RNF126: variants seen among roughly 807,000 people sequenced by gnomAD.
RNF126 encodes the protein ring finger protein 126, also known as E3 ubiquitin-protein ligase RNF126.
RNF126 carries 20 observed loss-of-function variants against 41.9 expected under a neutral mutation model. The ratio of observed to expected loss-of-function variants is 0.48; its 90% confidence interval spans 0.34 to 0.69. The LOEUF (loss-of-function observed/expected upper bound fraction) is 0.69, where lower values mean the gene tolerates loss of function less well. Among genes scored for constraint, RNF126 ranks in the 30% least tolerant of loss-of-function variants. The pLI is 0.01. For synonymous variants in RNF126, 239 were observed against 202.9 expected (o/e 1.18, Z -1.51); for missense variants, 433 against 460.6 (o/e 0.94, Z 0.55).
intron 1 of RNF126, among the ~76,000 whole-genome samples, chr19:653,928 G>C (rs1034456657): frequency 9.2e-5 from 14 of 152,218 alleles, no homozygotes; most frequent in African/African-American, 3.1e-4. Context: ...CCGTGCATGG[G>C]GGAGTGCTGT....
rs1385579694 is a variant in RNF126, at chr19:659,142, G to A, written c.75+3905C>T. On this transcript the variant is annotated intron_variant, in intron 1 of 8. Transcript: ENST00000292363. The surrounding 1 kb of genome is among the most constrained non-coding windows in gnomAD (Gnocchi z 4.9). Reference sequence around the variant, plus strand: ...GACGCTTGAGAGGCAGGGGCAGGCTGTCACTGTCACGGTATCTGGCACAAC... The same window carrying A: ...GACGCTTGAGAGGCAGGGGCAGGCTATCACTGTCACGGTATCTGGCACAAC... Among the ~76,000 whole-genome samples, 7 of 152,164 alleles carry A rather than the reference G, an allele frequency of 4.6e-5. No individual in the cohort carries two copies. The highest frequency in any genetic ancestry group is 8.8e-5 in the Non-Finnish European group (6 of 68,028).
chr19:660,057 G>A (rs917496262), intron 1 of RNF126, among the ~76,000 whole-genome samples: 4 of 152,230 alleles, frequency 2.6e-5, no homozygotes, highest in Non-Finnish European at 4.4e-5. Flanking sequence ...GAGCCACCGC[G>A]CTCGGCCTCA....
chr19:658,313 C>T (rs368332176), intron 1 of RNF126, among the ~76,000 whole-genome samples: 40 of 152,124 alleles, frequency 2.6e-4, no homozygotes, highest in Admixed American at 1.6e-3. Flanking sequence ...CAGGGCCAGG[C>T]GCATGGAGGG....
chr19:650,330 C>T (rs202052869), intron 4 of RNF126, 34 bp from the exon 5 acceptor site: 41 of 1,557,364 alleles, frequency 2.6e-5, no homozygotes, highest in Admixed American at 2.2e-4. Context: ...GGGGTGAGGC[C>T]GCCCCACGCA....
rs2144763517 is a variant in RNF126 at position 652,819 on chromosome 19, G to A, written c.134+7C>T. ...CTTCCAGCCTCTTCAACAGGGGGCTGCATTACCTGGTCTCTTCCGGAAGCT... is the reference window on the plus strand; with the variant it reads ...CTTCCAGCCTCTTCAACAGGGGGCTACATTACCTGGTCTCTTCCGGAAGCT... On this transcript the variant is annotated splice_region_variant and intron_variant, in intron 2 of 8. Coordinates refer to ENST00000292363, the MANE Select transcript of RNF126 (RefSeq NM_194460.3). 6.2e-7 allele frequency: 1 copy of A among 1,612,276 alleles called. No individual in the cohort carries two copies. The highest frequency in any genetic ancestry group is 8.5e-7 in the Non-Finnish European group (1 of 1,179,162).
chr19:657,341 T>A (rs1168561951), intron 1 of RNF126, among the ~76,000 whole-genome samples: 2 of 152,222 alleles, frequency 1.3e-5, no homozygotes, highest in African/African-American at 4.8e-5. Flanking sequence ...GCTCCCGGGT[T>A]CCCGTCTCAG....
intron 5 of RNF126, 45 bp from the exon 6 acceptor site, chr19:649,793 G>C: frequency 1.4e-6 from 2 of 1,466,000 alleles, no homozygotes; most frequent in Non-Finnish European, 1.9e-6. Flanking sequence ...GGCAGCTGGG[G>C]CAGGTGCGTC....
chr19:661,822 C>G (rs546069521), intron 1 of RNF126, among the ~76,000 whole-genome samples: 1 of 152,342 alleles, frequency 6.6e-6, no homozygotes, highest in African/African-American at 2.4e-5. Flanking sequence ...GCCTCTTCCC[C>G]TGGGCACAGG....
rs1357295319 is a variant in RNF126 at position 659,274 on chromosome 19, G to A, written c.75+3773C>T. 6.6e-6 allele frequency among the ~76,000 whole-genome samples: 1 copy of A among 152,162 alleles called. No homozygotes were observed. The highest frequency in any genetic ancestry group is 2.4e-5 in the African/African-American group (1 of 41,446). On this transcript the variant is annotated intron_variant, in intron 1 of 8. Transcript: ENST00000292363. The surrounding 1 kb of genome is among the most constrained non-coding windows in gnomAD (Gnocchi z 4.9). ...AGGAGAAGACAGGGTGGGCCGGGGG[G>A]CAGCTGGGGAGACTTCCCGCCTGGC...
intron 1 of RNF126, among the ~76,000 whole-genome samples, chr19:655,897 T>C (rs1568193346): frequency 6.6e-6 from 1 of 151,458 alleles, no homozygotes; most frequent in Non-Finnish European, 1.5e-5. Context: ...GGAGGGGGGA[T>C]TGCATCTTGA....
Position 648,336 on chromosome 19 carries a change from G to A in RNF126, c.786+36C>T, listed in dbSNP as rs1250094152. 1.2e-5 allele frequency: 18 copies of A among 1,520,406 alleles called. No homozygotes were observed. In the East Asian group the frequency reaches 1.5e-4, roughly 13 times the overall value. 94.2% of individuals were successfully genotyped at this position (1,520,406 alleles called of 1,614,324 possible). On this transcript the variant is annotated intron_variant, in intron 8 of 8. Coordinates refer to ENST00000292363, the MANE Select transcript of RNF126 (RefSeq NM_194460.3). ...GGCAGGTTAGAGGCGGGAGGGCCGC[G>A]GTCGGGGTGGGGGGGCGGGTGGGCG...
At chr19:652,738 G>T (rs1034931531) in intron 2 of RNF126, 88 bp downstream of exon 2, 2 of 1,245,502 alleles carry the variant, frequency 1.6e-6, no homozygotes, top group Non-Finnish European at 2.3e-6. Flanking sequence ...CCCACACTCG[G>T]CGGGGCGGAC....
intron 1 of RNF126, among the ~76,000 whole-genome samples, chr19:653,589 C>T (rs1017519096): frequency 2.6e-5 from 4 of 152,238 alleles, no homozygotes; most frequent in Admixed American, 2.0e-4. Flanking sequence ...GAGACACTGG[C>T]TCACAGGGCG....
At chr19:661,850 C>T (rs879612617) in intron 1 of RNF126, among the ~76,000 whole-genome samples, 1 of 152,178 alleles carries the variant, frequency 6.6e-6, no homozygotes, top group Admixed American at 6.5e-5. Flanking sequence ...GTCCAGACCC[C>T]TCCACCTCCT....
chr19:649,224 G>GGA (rs1017404222), intron 6 of RNF126: 2 of 257,674 alleles, frequency 7.8e-6, no homozygotes, highest in Admixed American at 1.1e-4. Flanking sequence ...GCGGAATGGG[G>GGA]GGGGGGGCCG....
rs1189705005 is a variant in RNF126 at position 652,808 on chromosome 19, A to G, written c.134+18T>C. 6.2e-7 allele frequency: 1 copy of G among 1,611,544 alleles called. No homozygotes were observed. Among genetic ancestry groups the G allele is most frequent in the Admixed American group, 1.7e-5 (1 of 59,860 alleles). On this transcript the variant is annotated intron_variant, in intron 2 of 8. Coordinates refer to ENST00000292363, the MANE Select transcript of RNF126 (RefSeq NM_194460.3). ...CCCGGCTGGCTCTTCCAGCCTCTTC[A>G]ACAGGGGGCTGCATTACCTGGTCTC...
rs2030295147 is a variant in RNF126 at position 651,663 on chromosome 19, G to C, written c.391C>G (p.Leu131Val). The C allele has an allele frequency of 6.4e-7, 1 of 1,553,382 alleles. No homozygotes were observed. The highest frequency in any genetic ancestry group is 2.4e-5 in the East Asian group (1 of 41,754). The change falls in exon 4 of 9, where the codon CTC (leucine) becomes GTC (valine). Residue 131 changes from leucine (L) to valine (V), a missense_variant. By Grantham distance (32) the Leu-to-Val change is conservative. This residue lies in a region of RNF126 where 247 missense variants were observed against 224.7 expected (regional missense o/e 1.10). Coordinates refer to ENST00000292363, the MANE Select transcript of RNF126 (RefSeq NM_194460.3). The stretch of plus-strand genomic sequence containing the variant: ...CGGCCGGTGGCCCGCCGCGTGGTGA[G>C]GCGGGCGCGGGGCTGTCGGGCGCCG... Reference protein sequence around the residue: ...RYGARQPRARLTTRRATGRHE... With the variant: ...RYGARQPRARVTTRRATGRHE...
At chr19:652,937 A>C (rs2030392504) in intron 1 of RNF126, 53 bp from the exon 2 acceptor site, 4 of 1,543,674 alleles carry the variant, frequency 2.6e-6, no homozygotes, top group East Asian at 2.3e-5. Flanking sequence ...TCACCTGCAA[A>C]CCCCCCCAAG....
At chr19:652,032 C>T (rs563300225) in intron 3 of RNF126, 177 bp from the exon 4 acceptor site, 10 of 693,098 alleles carry the variant, frequency 1.4e-5, no homozygotes, top group Non-Finnish European at 2.3e-5. Flanking sequence ...TGTGAGATGC[C>T]TCGGTGGAAG....
Sources: allele counts gnomAD v4.1 joint callset (sites outside exome capture counted in the v4.1 genomes callset), GRCh38; gene constraint gnomAD v4.1.1; regional missense constraint gnomAD v4.1.1; non-coding constraint Gnocchi (gnomAD v3.1); transcripts MANE v1.5; gene names NCBI Gene and HGNC (gene_info 2026-07-23, HGNC 2026-07-21).